CDK14: variants seen among roughly 807,000 people sequenced by gnomAD.
CDK14 encodes cyclin dependent kinase 14, also known as cyclin-dependent kinase 14.
Under a neutral mutation model 60.7 loss-of-function variants are expected in CDK14, and 34 were observed. The observed-to-expected ratio is 0.56, with a 90% CI of 0.43 to 0.75. CDK14 has a LOEUF of 0.75. Among genes scored for constraint, CDK14 ranks in the 30% least tolerant of loss-of-function variants. CDK14 has a pLI of 0.00. For missense variants in CDK14, 482 were observed against 564.1 expected (o/e 0.85, Z 1.47); for synonymous variants, 197 against 203.7 (o/e 0.97, Z 0.28).
At chr7:91,206,728 A>T (rs923601366) in intron 14 of CDK14, among the ~76,000 whole-genome samples, 3 of 152,136 alleles carry the variant, frequency 2.0e-5, no homozygotes, top group African/African-American at 7.2e-5. Flanking sequence ...ATACAGCTGA[A>T]TTTTTTTAAA....
chr7:90,809,634 C>G (rs111945509), intron 5 of CDK14, among the ~76,000 whole-genome samples: 14 of 152,034 alleles, frequency 9.2e-5, no homozygotes, highest in South Asian at 2.1e-4. Context: ...GAGCAGAACT[C>G]AAGGAAATAG....
chr7:90,915,166 A>G (rs1562826349), intron 7 of CDK14, among the ~76,000 whole-genome samples: 1 of 152,070 alleles, frequency 6.6e-6, no homozygotes, highest in Non-Finnish European at 1.5e-5. Context: ...GGCAAGGATA[A>G]TAGCTCACGC....
intron 14 of CDK14, among the ~76,000 whole-genome samples, chr7:91,120,624 C>T (rs1799751861): frequency 1.3e-5 from 2 of 151,948 alleles, no homozygotes; most frequent in Non-Finnish European, 1.5e-5. Flanking sequence ...ACCTCTGCCC[C>T]CGCCTGGGTT....
Position 90,747,181 on chromosome 7 carries a change from C to T in CDK14, c.370-500C>T, listed in dbSNP as rs1280716277. ...CTTTATTCTTGTTTTGCTTTGCTTC[C>T]TTCAACCATTAGAAAAGGTAAAAAC... On this transcript the variant is annotated intron_variant, in intron 3 of 14. Transcript: ENST00000380050. 2.6e-5 allele frequency among the ~76,000 whole-genome samples: 4 copies of T among 152,086 alleles called. No individual in the cohort carries two copies. In the East Asian group the frequency reaches 7.7e-4, roughly 29 times the overall value.
intron 9 of CDK14, among the ~76,000 whole-genome samples, chr7:90,972,080 T>C (rs1794949381): frequency 1.3e-5 from 2 of 152,226 alleles, no homozygotes; most frequent in South Asian, 4.1e-4. Flanking sequence ...TTTTGTTTCA[T>C]AGTTGAAAAA....
At chr7:91,087,892 C>T (rs1798685323) in intron 12 of CDK14, among the ~76,000 whole-genome samples, 1 of 152,012 alleles carries the variant, frequency 6.6e-6, no homozygotes, top group Non-Finnish European at 1.5e-5. Flanking sequence ...GGTGTGTTAA[C>T]AAATAGCGTT....
At chr7:91,048,361 G>A (rs982912032) in intron 11 of CDK14, among the ~76,000 whole-genome samples, 8 of 152,120 alleles carry the variant, frequency 5.3e-5, no homozygotes, top group African/African-American at 1.2e-4. Context: ...CTCTTGTCTC[G>A]TAGAGCACCA....
intron 6 of CDK14, among the ~76,000 whole-genome samples, chr7:90,895,068 T>A (rs564335320): frequency 3.3e-5 from 5 of 152,144 alleles, no homozygotes; most frequent in Non-Finnish European, 7.3e-5. Flanking sequence ...AGCATTCTTA[T>A]CTTTTTCTGT....
At chr7:90,732,731 T>G (rs1584833377) in intron 3 of CDK14, among the ~76,000 whole-genome samples, 1 of 152,188 alleles carries the variant, frequency 6.6e-6, no homozygotes. Flanking sequence ...TCTTCTCTCT[T>G]TTCTTCTTTA....
At chr7:90,843,558 G>A (rs1426581550) in intron 5 of CDK14, among the ~76,000 whole-genome samples, 1 of 152,186 alleles carries the variant, frequency 6.6e-6, no homozygotes, top group Non-Finnish European at 1.5e-5. Context: ...TCAATAAAAA[G>A]CATCCTGGAA....
intron 6 of CDK14, among the ~76,000 whole-genome samples, chr7:90,883,113 A>G (rs1160062682): frequency 7.3e-6 from 1 of 137,558 alleles, no homozygotes; most frequent in Non-Finnish European, 1.6e-5. Flanking sequence ...TGAAGGAGAT[A>G]GAGACACATA....
chr7:91,058,256 T>G (rs1242319819), intron 11 of CDK14, among the ~76,000 whole-genome samples: 3 of 151,820 alleles, frequency 2.0e-5, no homozygotes, highest in African/African-American at 7.3e-5. Flanking sequence ...ACATTGATTT[T>G]GTATCCTGAG....
chr7:90,783,778 C>G (rs1805449530), intron 4 of CDK14, among the ~76,000 whole-genome samples: 1 of 152,052 alleles, frequency 6.6e-6, no homozygotes, highest in African/African-American at 2.4e-5. Flanking sequence ...CAGGCAATAA[C>G]AAATAGCGAT....
intron 11 of CDK14, among the ~76,000 whole-genome samples, chr7:91,067,834 G>A (rs1016585902): frequency 6.6e-6 from 1 of 152,124 alleles, no homozygotes; most frequent in Admixed American, 6.5e-5. Flanking sequence ...TAATATTTAT[G>A]TGCAATTAAT....
chr7:90,969,212 T>A (rs1404773699), intron 9 of CDK14, among the ~76,000 whole-genome samples: 1 of 152,232 alleles, frequency 6.6e-6, no homozygotes, highest in Non-Finnish European at 1.5e-5. Context: ...AATATTTTAC[T>A]GTAAAATATC....
chr7:91,077,881 G>A (rs939979718), intron 11 of CDK14, among the ~76,000 whole-genome samples: 2 of 151,908 alleles, frequency 1.3e-5, no homozygotes, highest in East Asian at 1.9e-4. Flanking sequence ...ATTAAATTTG[G>A]TACCAGCTAT....
chr7:91,001,467 T>C (rs1795832356), intron 10 of CDK14, among the ~76,000 whole-genome samples: 1 of 152,232 alleles, frequency 6.6e-6, no homozygotes, highest in Non-Finnish European at 1.5e-5. Context: ...TTATCCACGC[T>C]GTGTTGCAGC....
rs140116035 is a variant in CDK14 at position 91,038,200 on chromosome 7, C to T, written c.1042-7697C>T. Among the ~76,000 whole-genome samples, 54 of 152,264 alleles carry T rather than the reference C, an allele frequency of 3.5e-4. 2 individuals carry two copies. The East Asian group carries it at 8.3e-3, about 23-fold the overall frequency. The stretch of plus-strand genomic sequence containing the variant: ...AAAGCAGAAATCTTGAAACTGAAGA[C>T]GACTCTCTTCTACTTTTTAAAAAGG... On this transcript the variant is annotated intron_variant, in intron 10 of 14. Coordinates refer to ENST00000380050, the MANE Select transcript of CDK14 (RefSeq NM_001287135.2).
At chr7:90,649,463 C>T (rs1342043440) in intron 2 of CDK14, among the ~76,000 whole-genome samples, 1 of 137,604 alleles carries the variant, frequency 7.3e-6, no homozygotes, top group Non-Finnish European at 1.6e-5. Context: ...TTCTTTATTT[C>T]TCTTTCTTTT....
Sources: gnomAD v4.1 joint callset for allele counts (sites outside exome capture counted in the v4.1 genomes callset) on GRCh38, gnomAD v4.1.1 for gene constraint, MANE v1.5 for transcripts, NCBI Gene and HGNC (gene_info 2026-07-23, HGNC 2026-07-21) for gene names.